The following VRK2 variants were observed in gnomAD, a reference collection of about 807,000 sequenced individuals.
VRK2 encodes VRK serine/threonine kinase 2.
VRK2 carries 60 observed loss-of-function variants against 57.6 expected under a neutral mutation model. The ratio of observed to expected loss-of-function variants is 1.04; its 90% confidence interval spans 0.85 to 1.29. The LOEUF is 1.29. VRK2 is among the 50% of genes most tolerant of loss of function. VRK2 has a pLI of 0.00. For missense variants in VRK2, 705 were observed against 588.1 expected, an observed-to-expected ratio of 1.20 and a Z score of -2.06; for synonymous variants, 231 against 199.2, an observed-to-expected ratio of 1.16 and a Z score of -1.35.
intron 7 of VRK2, among the ~76,000 whole-genome samples, chr2:58,096,404 CT>C (rs1372225117): frequency 6.6e-6 from 1 of 151,880 alleles, no homozygotes; most frequent in African/African-American, 2.4e-5. Context: ...CGTGGTAGTT[CT>C]TTGTGATTCT....
intron 8 of VRK2, among the ~76,000 whole-genome samples, chr2:58,128,527 T>C (rs1169874327): frequency 6.6e-6 from 1 of 152,130 alleles, no homozygotes; most frequent in Non-Finnish European, 1.5e-5. Flanking sequence ...AGATGGGGTT[T>C]CGCCATGTTG....
intron 1 of VRK2, among the ~76,000 whole-genome samples, chr2:57,996,956 T>A (rs1672943187): frequency 6.6e-6 from 1 of 152,148 alleles, no homozygotes; most frequent in Admixed American, 6.5e-5. Flanking sequence ...AAAGATTCAT[T>A]CAATAGGTAG....
At chr2:58,082,180 CA>C (rs1292503246) in intron 2 of VRK2, among the ~76,000 whole-genome samples, 1 of 151,744 alleles carries the variant, frequency 6.6e-6, no homozygotes. Context: ...TGATTATGTT[CA>C]TTCAAAATGT....
chr2:58,085,930 CTTTTTTTTT>C (rs59333442), intron 4 of VRK2, among the ~76,000 whole-genome samples: 4 of 116,874 alleles, frequency 3.4e-5, no homozygotes, highest in African/African-American at 1.1e-4. Context: ...CTTTTTTTTT[CTTTTTTTTT>C]TTTTTTTGGT....
intron 7 of VRK2, among the ~76,000 whole-genome samples, chr2:58,118,894 C>T (rs895196715): frequency 4.0e-5 from 6 of 151,752 alleles, no homozygotes; most frequent in South Asian, 4.2e-4. Context: ...TGGGCAGGGG[C>T]GGGGGTCACA....
intron 12 of VRK2, among the ~76,000 whole-genome samples, chr2:58,158,307 G>A (rs114682879): frequency 1.3e-5 from 2 of 152,290 alleles, no homozygotes; most frequent in Non-Finnish European, 2.9e-5. Flanking sequence ...CGTTAGCTCA[G>A]AAAGAGTAGT....
At chr2:58,116,215 G>T (rs953282160) in intron 7 of VRK2, among the ~76,000 whole-genome samples, 1 of 152,112 alleles carries the variant, frequency 6.6e-6, no homozygotes, top group Non-Finnish European at 1.5e-5. Flanking sequence ...ATGGTAAGGG[G>T]TGCGTGATCG....
chr2:57,957,189 G>A (rs931997087), intron 1 of VRK2, among the ~76,000 whole-genome samples: 1 of 152,080 alleles, frequency 6.6e-6, no homozygotes, highest in East Asian at 1.9e-4. Context: ...GTCTATTCAG[G>A]AGGCCTATAT....
rs76872316 is a variant in VRK2 at position 58,148,809 on chromosome 2, A to G, written c.1182+2335A>G. Among the ~76,000 whole-genome samples, 509 of 151,784 alleles carry G rather than the reference A, an allele frequency of 3.4e-3. 1 individual carries two copies. Among genetic ancestry groups the G allele is most frequent in the Middle Eastern group, 0.014 (4 of 294 alleles). The stretch of plus-strand genomic sequence containing the variant: ...TGGAGCCCTTTTCAAAAGTCAGCTA[A>G]CTGTGTGTGTGAGCCTATTTCTGGG... On this transcript the variant is annotated intron_variant, in intron 12 of 12. Transcript: ENST00000340157.
At chr2:58,055,832 C>T (rs565326720) in intron 2 of VRK2, among the ~76,000 whole-genome samples, 2 of 152,234 alleles carry the variant, frequency 1.3e-5, no homozygotes, top group East Asian at 1.9e-4. Flanking sequence ...TTTTAACAAA[C>T]CAAAGGAAAA....
At chr2:57,947,751 T>C (rs1191995114) in intron 1 of VRK2, among the ~76,000 whole-genome samples, 1 of 152,216 alleles carries the variant, frequency 6.6e-6, no homozygotes, top group East Asian at 1.9e-4. Flanking sequence ...TAGCCCTGTA[T>C]GTTGGTAGTC....
At chr2:57,909,691 T>A (rs931394317) in intron 1 of VRK2, among the ~76,000 whole-genome samples, 2 of 152,246 alleles carry the variant, frequency 1.3e-5, no homozygotes, top group Non-Finnish European at 2.9e-5. Context: ...ATTTTTGCTT[T>A]GCTTTAATTT....
At chr2:58,055,706 G>A (rs946115013) in intron 2 of VRK2, among the ~76,000 whole-genome samples, 1 of 152,162 alleles carries the variant, frequency 6.6e-6, no homozygotes, top group Admixed American at 6.5e-5. Context: ...ACTCCTTGGT[G>A]GCAGGCAGCT....
intron 1 of VRK2, among the ~76,000 whole-genome samples, chr2:57,942,253 A>G (rs2678896): frequency 0.68 from 102,820 of 152,160 alleles, 35,703 homozygotes; most frequent in African/African-American, 0.86. Flanking sequence ...TCTTCTGTAC[A>G]TAATATATTT....
intron 1 of VRK2, among the ~76,000 whole-genome samples, chr2:57,927,791 G>A (rs978330048): frequency 2.0e-5 from 3 of 152,092 alleles, no homozygotes; most frequent in Non-Finnish European, 4.4e-5. Context: ...ATATTTGAAG[G>A]ATATTTTCAC....
intron 1 of VRK2, among the ~76,000 whole-genome samples, chr2:57,968,552 T>C (rs1233939889): frequency 6.6e-6 from 1 of 152,130 alleles, no homozygotes; most frequent in Non-Finnish European, 1.5e-5. Context: ...AGAAAACAGT[T>C]ATGACTCAAG....
intron 10 of VRK2, among the ~76,000 whole-genome samples, chr2:58,138,104 T>A (rs1303620431): frequency 6.6e-6 from 1 of 152,212 alleles, no homozygotes; most frequent in Non-Finnish European, 1.5e-5. Context: ...TCCCAGCACA[T>A]TCAACTCTCT....
chr2:58,007,679 G>A (rs1673289842), intron 1 of VRK2, among the ~76,000 whole-genome samples: 2 of 152,052 alleles, frequency 1.3e-5, no homozygotes, highest in South Asian at 4.1e-4. Flanking sequence ...AAGCCTATTA[G>A]TAGTTAAGTT....
At chr2:57,972,675 G>A (rs1456374105) in intron 1 of VRK2, among the ~76,000 whole-genome samples, 3 of 151,514 alleles carry the variant, frequency 2.0e-5, no homozygotes, top group Non-Finnish European at 3.0e-5. Flanking sequence ...TATGTAAAAC[G>A]CATCCATGAT....
Sources: allele counts gnomAD v4.1 joint callset (sites outside exome capture counted in the v4.1 genomes callset), GRCh38; gene constraint gnomAD v4.1.1; transcripts MANE v1.5; gene names NCBI Gene and HGNC (gene_info 2026-07-23, HGNC 2026-07-21).